Variants in RGS3 observed in about 807,000 individuals in gnomAD.
RGS3 encodes the protein regulator of G-protein signalling 3.
RGS3 carries 80 observed loss-of-function variants against 132.6 expected under a neutral mutation model. The ratio of observed to expected loss-of-function variants is 0.60; its 90% CI spans 0.50 to 0.73. The LOEUF (loss-of-function observed/expected upper bound fraction) is 0.73, where lower values mean the gene tolerates loss of function less well. RGS3 is among the 30% of genes least tolerant of loss of function. The probability of loss-of-function intolerance (pLI) is 0.00; values close to 1 mark genes in which losing one functional copy is unlikely to be tolerated. For synonymous variants in RGS3, 598 were observed against 620.6 expected, an observed-to-expected ratio of 0.96 and a Z score of 0.54; for missense variants, 1,382 against 1,530.8, an observed-to-expected ratio of 0.90 and a Z score of 1.62.
intron 17 of RGS3, among the ~76,000 whole-genome samples, chr9:113,524,151 A>C (rs749962493): frequency 3.3e-5 from 5 of 152,154 alleles, no homozygotes; most frequent in Admixed American, 6.5e-5. Flanking sequence ...GCTGGAGGGC[A>C]TTAGGTTGGA....
chr9:113,575,453 T>C (rs1834470216), intron 19 of RGS3, among the ~76,000 whole-genome samples: 1 of 152,176 alleles, frequency 6.6e-6, no homozygotes, highest in Non-Finnish European at 1.5e-5. Flanking sequence ...TCTCTCCTCC[T>C]GCAGTGGGGC....
intron 14 of RGS3, among the ~76,000 whole-genome samples, chr9:113,509,729 G>T (rs1831317031): frequency 6.6e-6 from 1 of 152,070 alleles, no homozygotes; most frequent in Non-Finnish European, 1.5e-5. Context: ...CCTCTCAGTG[G>T]TGTGAAGGCG....
At chr9:113,538,797 A>T (rs1832786228) in intron 19 of RGS3, among the ~76,000 whole-genome samples, 1 of 152,186 alleles carries the variant, frequency 6.6e-6, no homozygotes, top group Non-Finnish European at 1.5e-5. Flanking sequence ...CAGGAGAAGG[A>T]TGAAGGAGGG....
At chr9:113,455,362 C>T (rs759126699), upstream of RGS3, among the ~76,000 whole-genome samples, 1 of 152,128 alleles carries the variant, frequency 6.6e-6, no homozygotes, top group Non-Finnish European at 1.5e-5. Context: ...TAGGATTATG[C>T]CAGGCCAAGT....
At position 113,591,401 on chromosome 9, in the gene RGS3, C is replaced by A; in HGVS notation, c.3080+4C>A. On this transcript the variant is annotated splice_donor_region_variant and intron_variant, in intron 21 of 24. Transcript: ENST00000350696. This position sits in a 1 kb window ranked among gnomAD's most constrained non-coding sequence, Gnocchi z 4.4. ...GGAAGAGAAAGAGCAAAAACCTGTA[C>A]GTTGGGAAGATCCCTGGCTTCTGCG... The A allele has an allele frequency of 6.2e-7, 1 of 1,612,822 alleles. No homozygotes were observed. Among genetic ancestry groups the A allele is most frequent in the Non-Finnish European group, 8.5e-7 (1 of 1,179,292 alleles).
chr9:113,501,439 G>A, intron 10 of RGS3: 1 of 1,481,410 alleles, frequency 6.8e-7, no homozygotes, highest in Non-Finnish European at 9.0e-7. Flanking sequence ...GGGGAGGTGA[G>A]AGGTGATTTC....
chr9:113,485,560 A>G, intron 6 of RGS3, 65 bp from the exon 5 acceptor site: 1 of 1,256,510 alleles, frequency 8.0e-7, no homozygotes, highest in Non-Finnish European at 1.1e-6. Context: ...GACTGACTCT[A>G]TGAGTCAGCT....
In RGS3 at chr9:113,506,413, G is replaced by A. The variant is rs765679828; in HGVS notation, c.1005G>A (p.Leu335=). The change falls in exon 12 of 25, where the codon CTG becomes CTA. Residue 335 remains leucine (L), a synonymous_variant. Transcript: ENST00000350696. This position sits in a 1 kb window ranked among gnomAD's most constrained non-coding sequence, Gnocchi z 4.7. ...GGGGTCCGGCGGAACGGGCAGGGCT[G>A]CAGCAGCTGGACACGGTGCTGCAGC... 1.3e-5 allele frequency: 20 copies of A among 1,593,884 alleles called. No individual in the cohort carries two copies. In the African/African-American group the frequency reaches 1.3e-4, roughly 11 times the overall value.
At chr9:113,490,672 T>TATATATA (rs1443277127) in intron 7 of RGS3, among the ~76,000 whole-genome samples, 5 of 144,880 alleles carry the variant, frequency 3.5e-5, no homozygotes, top group Non-Finnish European at 7.5e-5. Flanking sequence ...ATAAATTATA[T>TATATATA]AATATATAAA....
Position 113,537,134 on chromosome 9 carries a change from G to A in RGS3, c.2037+216G>A, listed in dbSNP as rs752464995. 1.5e-4 allele frequency among the ~76,000 whole-genome samples: 23 copies of A among 151,152 alleles called. No homozygotes were observed. The highest frequency in any genetic ancestry group is 2.8e-4 in the Non-Finnish European group (19 of 67,694). The stretch of plus-strand genomic sequence containing the variant: ...GGGTCTGACAGTGCTCGTGTAGAGC[G>A]ACAGAGCCAAATTAAGCGTGGCCCA... On this transcript the variant is annotated intron_variant, in intron 19 of 24. Coordinates refer to ENST00000350696, the Ensembl canonical transcript of RGS3. The surrounding 1 kb of genome is among the most constrained non-coding windows in gnomAD (Gnocchi z 4.3).
At chr9:113,547,450 G>A (rs992328127) in intron 19 of RGS3, among the ~76,000 whole-genome samples, 1 of 152,130 alleles carries the variant, frequency 6.6e-6, no homozygotes, top group Admixed American at 6.5e-5. Context: ...AGCACAAGAC[G>A]GGCTCTCCAA....
chr9:113,534,828 G>A (rs1218733282), intron 18 of RGS3, among the ~76,000 whole-genome samples: 1 of 151,856 alleles, frequency 6.6e-6, no homozygotes, highest in South Asian at 2.1e-4. Context: ...TGTTTCCCAG[G>A]CTTGTCTGGA....
chr9:113,585,083 G>A (rs189985737), intron 20 of RGS3, among the ~76,000 whole-genome samples: 1 of 152,244 alleles, frequency 6.6e-6, no homozygotes, highest in African/African-American at 2.4e-5. Flanking sequence ...TGGATTTCCT[G>A]CTGTGTACCA....
intron 19 of RGS3, among the ~76,000 whole-genome samples, chr9:113,576,316 A>G (rs571551468): frequency 6.6e-6 from 1 of 151,624 alleles, no homozygotes; most frequent in South Asian, 2.1e-4. Context: ...TGGTCCTGTG[A>G]AGTTCACTGG....
chr9:113,497,991 AGAAGTTTTCT>A (rs751212574), intron 9 of RGS3, 24 bp from the exon 8 acceptor site: 2 of 1,612,616 alleles, frequency 1.2e-6, no homozygotes, highest in Non-Finnish European at 8.5e-7. Context: ...CTCTGCCACC[AGAAGTTTTCT>A]GATTCTGCTC....
At chr9:113,584,313 T>C (rs1375181283) in exon 20 of RGS3, 1 of 1,604,776 alleles carries the variant, frequency 6.2e-7, no homozygotes, top group African/African-American at 1.3e-5. Context: ...GCTCAGACGG[T>C]GAGGGCGCCG....
rs150434331 is a variant in RGS3, at chr9:113,486,041, G to A, written c.689+348G>A. Among the ~76,000 whole-genome samples the A allele has an allele frequency of 2.3e-3, 347 of 152,286 alleles. 1 individual carries two copies. Among genetic ancestry groups the A allele is most frequent in the African/African-American group, 7.8e-3 (325 of 41,554 alleles). ...GAGAAATTACAATAACAACATGTAC[G>A]TGCTCAGTTCTACAGGACTCTAAGC... On this transcript the variant is annotated intron_variant, in intron 7 of 24. Coordinates refer to ENST00000350696, the Ensembl canonical transcript of RGS3.
intron 19 of RGS3, among the ~76,000 whole-genome samples, chr9:113,564,382 G>T (rs999076017): frequency 6.6e-6 from 1 of 152,208 alleles, no homozygotes; most frequent in African/African-American, 2.4e-5. Context: ...CGGAGTTCAT[G>T]CTCAAGAAAG....
At chr9:113,491,712 G>A (rs1830528700) in intron 7 of RGS3, among the ~76,000 whole-genome samples, 1 of 151,548 alleles carries the variant, frequency 6.6e-6, no homozygotes, top group African/African-American at 2.4e-5. Flanking sequence ...ATGCCACCAC[G>A]CTTGGCTAAT....
Sources: allele counts gnomAD v4.1 joint callset (sites outside exome capture counted in the v4.1 genomes callset), GRCh38; gene constraint gnomAD v4.1.1; non-coding constraint Gnocchi (gnomAD v3.1); transcripts MANE v1.5; gene names NCBI Gene and HGNC (gene_info 2026-07-23, HGNC 2026-07-21).